The following RARB variants were observed in gnomAD, a reference collection of about 807,000 sequenced individuals.
The protein encoded by RARB is retinoic acid receptor beta.
RARB carries 17 observed loss-of-function variants against 51.9 expected under a neutral mutation model. That is an observed-to-expected ratio of 0.33 (90% confidence interval 0.22 to 0.49). The LOEUF (loss-of-function observed/expected upper bound fraction) is 0.49. Ranked by LOEUF, RARB falls within the 20% of genes least tolerant of loss-of-function variation. RARB has a pLI of 0.99. For synonymous variants in RARB, 215 were observed against 195.4 expected, an observed-to-expected ratio of 1.10 and a Z score of -0.84; for missense variants, 369 against 550.8, an observed-to-expected ratio of 0.67 and a Z score of 3.30.
chr3:25,007,469 A>G (rs910419534), intron 2 of RARB, among the ~76,000 whole-genome samples: 2 of 151,848 alleles, frequency 1.3e-5, no homozygotes, highest in African/African-American at 4.8e-5. Context: ...CTACTAAAAA[A>G]TACAAAAAAT....
intron 5 of RARB, among the ~76,000 whole-genome samples, chr3:25,356,925 T>C (rs1705760020): frequency 6.6e-6 from 1 of 152,166 alleles, no homozygotes; most frequent in Non-Finnish European, 1.5e-5. Flanking sequence ...TGATGGGCAT[T>C]TGGGTTGGTT....
chr3:24,917,800 T>C (rs1695137089), intron 2 of RARB, among the ~76,000 whole-genome samples: 1 of 152,238 alleles, frequency 6.6e-6, no homozygotes, highest in Non-Finnish European at 1.5e-5. Context: ...GTGCTGGGCT[T>C]ACAGGCGTGA....
chr3:25,172,568 G>A (rs893589499), intron 4 of RARB, among the ~76,000 whole-genome samples: 93 of 152,290 alleles, frequency 6.1e-4, no homozygotes, highest in African/African-American at 2.2e-3. Flanking sequence ...GGCTTAATGA[G>A]TGATTGTTCT....
intron 5 of RARB, among the ~76,000 whole-genome samples, chr3:25,374,212 C>T (rs575388481): frequency 1.3e-4 from 20 of 152,180 alleles, no homozygotes; most frequent in African/African-American, 4.8e-4. Flanking sequence ...CACGCAAATA[C>T]ATTCACACAC....
intron 5 of RARB, among the ~76,000 whole-genome samples, chr3:25,338,080 C>T (rs1345318639): frequency 7.7e-6 from 1 of 130,250 alleles, no homozygotes; most frequent in Non-Finnish European, 1.7e-5. Context: ...TGTATGTCAC[C>T]CCCCTCCAAA....
Position 24,994,606 on chromosome 3 carries a change from C to T in RARB, c.-379-65519C>T, listed in dbSNP as rs532240467. 1.7e-4 allele frequency among the ~76,000 whole-genome samples: 26 copies of T among 151,896 alleles called. No homozygotes were observed. The South Asian group carries it at 3.7e-3, about 22-fold the overall frequency. Reference sequence around the variant, plus strand: ...CCTGAAGTGTTTCCCCTATTTTTTCCTCTAATAGTTTTATTGTTTCGGGTA... The same window carrying T: ...CCTGAAGTGTTTCCCCTATTTTTTCTTCTAATAGTTTTATTGTTTCGGGTA... On this transcript the variant is annotated intron_variant, in intron 2 of 11. Coordinates refer to the RARB transcript ENST00000383772.
intron 5 of RARB, among the ~76,000 whole-genome samples, chr3:25,394,265 A>G (rs1286952005): frequency 6.6e-6 from 1 of 151,982 alleles, no homozygotes; most frequent in Non-Finnish European, 1.5e-5. Context: ...GAGAGAGTAC[A>G]TGTTATAATT....
chr3:25,177,776 A>C lies in RARB; in HGVS notation c.178+3201A>C, dbSNP rs576182745. Among the ~76,000 whole-genome samples, 439 of 152,268 alleles carry C rather than the reference A, an allele frequency of 2.9e-3. 1 individual carries two copies. Among genetic ancestry groups the C allele is most frequent in the African/African-American group, 0.01 (423 of 41,548 alleles). The stretch of plus-strand genomic sequence containing the variant: ...TACAGCACAATGGCTCCATTCCCAC[A>C]CATAAAGTTGTCCTTGATGCTATAT... On this transcript the variant is annotated intron_variant, in intron 5 of 11. Transcript: ENST00000383772.
intron 2 of RARB, among the ~76,000 whole-genome samples, chr3:24,906,311 C>T (rs1254092904): frequency 1.3e-5 from 2 of 152,040 alleles, no homozygotes; most frequent in Non-Finnish European, 1.5e-5. Flanking sequence ...ATGGATGGAT[C>T]TTAGTGTTTG....
At chr3:25,158,563 T>C (rs1278113832) in intron 4 of RARB, among the ~76,000 whole-genome samples, 1 of 152,148 alleles carries the variant, frequency 6.6e-6, no homozygotes, top group Non-Finnish European at 1.5e-5. Flanking sequence ...TTAAGATATA[T>C]TTGCTTTAAA....
At chr3:25,416,251 T>C (rs1293659198) in intron 5 of RARB, among the ~76,000 whole-genome samples, 1 of 152,120 alleles carries the variant, frequency 6.6e-6, no homozygotes, top group Non-Finnish European at 1.5e-5. Flanking sequence ...TAGTCAGGCA[T>C]GGTGGCACAT....
In RARB at chr3:25,112,894, G is replaced by A. The variant is rs74956859; in HGVS notation, c.-327-19267G>A. On this transcript the variant is annotated intron_variant, in intron 3 of 11. Coordinates refer to the RARB transcript ENST00000383772. ...GTAATGGTGTAAAAAATACACAGATGTGCAAGATCTTCTGTGTTCTTAGCT... is the reference window on the plus strand; with the variant it reads ...GTAATGGTGTAAAAAATACACAGATATGCAAGATCTTCTGTGTTCTTAGCT... Among the ~76,000 whole-genome samples the A allele has an allele frequency of 2.2e-3, 330 of 152,272 alleles. 1 individual carries two copies. The highest frequency in any genetic ancestry group is 7.8e-3 in the African/African-American group (326 of 41,550).
At chr3:25,577,662 G>T (rs1481529159) in intron 4 of RARB, among the ~76,000 whole-genome samples, 1 of 152,234 alleles carries the variant, frequency 6.6e-6, no homozygotes, top group Non-Finnish European at 1.5e-5. Context: ...GGGATTTAAA[G>T]ATGCTGGTGA....
chr3:25,166,993 T>G (rs543138559), intron 4 of RARB, among the ~76,000 whole-genome samples: 10 of 152,344 alleles, frequency 6.6e-5, no homozygotes, highest in African/African-American at 2.4e-4. Context: ...AGGTCAAATC[T>G]CAGTTTTTTA....
intron 5 of RARB, among the ~76,000 whole-genome samples, chr3:25,337,612 A>G (rs1705102225): frequency 6.6e-6 from 1 of 152,154 alleles, no homozygotes; most frequent in Non-Finnish European, 1.5e-5. Flanking sequence ...CCAAATCTTT[A>G]CGTGGCTCTT....
At chr3:24,932,611 A>T (rs1695464779) in intron 2 of RARB, among the ~76,000 whole-genome samples, 1 of 152,110 alleles carries the variant, frequency 6.6e-6, no homozygotes, top group Non-Finnish European at 1.5e-5. Context: ...CTATATGTTT[A>T]TCATGGTTAA....
chr3:25,239,675 C>T (rs186484372), intron 5 of RARB, among the ~76,000 whole-genome samples: 9 of 152,148 alleles, frequency 5.9e-5, no homozygotes, highest in Non-Finnish European at 1.3e-4. Context: ...TGTTTTTATG[C>T]CAATATAATG....
At chr3:25,066,667 C>T (rs769386624) in intron 3 of RARB, among the ~76,000 whole-genome samples, 1 of 151,566 alleles carries the variant, frequency 6.6e-6, no homozygotes, top group Non-Finnish European at 1.5e-5. Flanking sequence ...AGGCAGTTTT[C>T]CAAAGAACTT....
chr3:25,586,020 G>T (rs192998588), intron 5 of RARB, among the ~76,000 whole-genome samples: 1 of 152,270 alleles, frequency 6.6e-6, no homozygotes, highest in Admixed American at 6.5e-5. Flanking sequence ...GCCAGGCGGG[G>T]TTGAAGAGCT....
Sources: gnomAD v4.1 joint callset for allele counts (sites outside exome capture counted in the v4.1 genomes callset) on GRCh38, gnomAD v4.1.1 for gene constraint, MANE v1.5 for transcripts, NCBI Gene and HGNC (gene_info 2026-07-23, HGNC 2026-07-21) for gene names.